Variants in ART3 observed in about 807,000 individuals in gnomAD.
The protein encoded by ART3 is ecto-ADP-ribosyltransferase 3.
Under a neutral mutation model 48.5 loss-of-function variants are expected in ART3, and 49 were observed. That is an observed-to-expected ratio of 1.01 (90% CI 0.80 to 1.28). The LOEUF (loss-of-function observed/expected upper bound fraction) is 1.28. ART3 is among the 50% of genes most tolerant of loss of function. The probability of loss-of-function intolerance (pLI) is 0.00; values close to 1 mark genes in which losing one functional copy is unlikely to be tolerated. For missense variants in ART3, 438 were observed against 454.3 expected (o/e 0.96, Z 0.33); for synonymous variants, 145 against 157.2 (o/e 0.92, Z 0.58).
intron 11 of ART3, among the ~76,000 whole-genome samples, chr4:76,111,054 A>G (rs919767684): frequency 3.9e-5 from 6 of 152,330 alleles, no homozygotes; most frequent in Non-Finnish European, 7.4e-5. Flanking sequence ...CATAAAATTA[A>G]CTATAATACA....
Position 76,035,987 on chromosome 4 carries a change from T to C in ART3, c.-10+24667T>C, listed in dbSNP as rs774042923. 3.7e-6 allele frequency: 6 copies of C among 1,613,740 alleles called. No individual in the cohort carries two copies. The highest frequency in any genetic ancestry group is 5.1e-6 in the Non-Finnish European group (6 of 1,179,850). On this transcript the variant is annotated intron_variant, in intron 1 of 9. Coordinates refer to the ART3 transcript ENST00000341029. ...GCTATAGCCATGCCCTTCACACTCA[T>C]GTTTGTTTTTTGCTGTTGCTGCTGG...
chr4:76,098,810 A>G (rs772145348), intron 4 of ART3, 145 bp from the exon 5 acceptor site: 8 of 614,876 alleles, frequency 1.3e-5, no homozygotes, highest in East Asian at 1.0e-4. Context: ...TTGAAATTTT[A>G]TATCTGTTAT....
Position 76,082,340 on chromosome 4 carries a change from G to A in ART3, c.586G>A (p.Asp196Asn). The change falls in exon 3 of 12, where the codon GAC (aspartate) becomes AAC (asparagine). Residue 196 changes from aspartate (D) to asparagine (N), a missense_variant. Asp to Asn is a conservative substitution (Grantham distance 23, BLOSUM62 1). Transcript: ENST00000355810. ...AYSAKPQAAN[D>N]QLTVLSIYTC... ...TTCAGCCAAACCTCAGGCTGCTAAT[G>A]ACCAGCTCACTGTGTTATCCATCTA... 6.2e-7 allele frequency: 1 copy of A among 1,613,714 alleles called. No individual in the cohort carries two copies. Among genetic ancestry groups the A allele is most frequent in the Non-Finnish European group, 8.5e-7 (1 of 1,179,884 alleles).
chr4:76,076,849 T>C (rs572192091), intron 2 of ART3, among the ~76,000 whole-genome samples: 2 of 152,324 alleles, frequency 1.3e-5, no homozygotes, highest in East Asian at 1.9e-4. Flanking sequence ...TGATTTTTTT[T>C]CCCCACGTTG....
chr4:76,092,590 T>C (rs185339018), intron 3 of ART3, among the ~76,000 whole-genome samples: 14 of 152,316 alleles, frequency 9.2e-5, no homozygotes, highest in Admixed American at 7.8e-4. Flanking sequence ...TTTGGACCAA[T>C]TTGATTATGA....
At chr4:76,083,008 G>A (rs1023408755) in intron 3 of ART3, among the ~76,000 whole-genome samples, 6 of 152,072 alleles carry the variant, frequency 3.9e-5, no homozygotes, top group African/African-American at 1.4e-4. Flanking sequence ...GGGAAACATA[G>A]GGAGACCACC....
chr4:76,080,099 G>A (rs1722130320), intron 2 of ART3, among the ~76,000 whole-genome samples: 1 of 152,140 alleles, frequency 6.6e-6, no homozygotes, highest in Admixed American at 6.5e-5. Context: ...TAGACTAATG[G>A]AAGAGGCATT....
chr4:76,112,434 C>T lies in ART3; in HGVS notation c.1085C>T (p.Ser362Phe). 1 of 1,614,086 alleles carries T rather than the reference C, an allele frequency of 6.2e-7. No individual in the cohort carries two copies. The highest frequency in any genetic ancestry group is 8.5e-7 in the Non-Finnish European group (1 of 1,179,992). The change falls in exon 12 of 12, where the codon TCC becomes TTC. Residue 362 changes from serine (S) to phenylalanine (F), a missense_variant. Physicochemically the swap from Ser to Phe is radical, Grantham distance 155 (BLOSUM62 -2). This residue lies in a region of ART3 where 227 missense variants were observed against 229.6 expected (regional missense o/e 0.99). Coordinates refer to ENST00000355810, the MANE Select transcript of ART3 (RefSeq NM_001130016.3). ...GGTCCCAAAAGCCATCCTTCTGCAT[C>T]CTCGGGCAAACTGCTGCTTCCACAG... ...VPGPKSHPSA[S>F]SGKLLLPQFG... is the part of the protein sequence containing the mutation.
chr4:76,013,806 CTT>C (rs1202925192), intron 1 of ART3, among the ~76,000 whole-genome samples: 1 of 152,100 alleles, frequency 6.6e-6, no homozygotes, highest in Non-Finnish European at 1.5e-5. Context: ...ATTTTATTTA[CTT>C]TTGTTCATTT....
intron 1 of ART3, among the ~76,000 whole-genome samples, chr4:76,030,661 G>T (rs77946135): frequency 0.011 from 1,735 of 152,170 alleles, 38 homozygotes; most frequent in African/African-American, 0.039. Context: ...CCAAACCCCA[G>T]TCAGCTAATT....
In ART3 at chr4:76,112,402, T is replaced by C; in HGVS notation, c.1053T>C (p.Pro351=). ...TGTTAACAGCTCCAGGTCCAGTTCCTGTTCCAGGTCCCAAAAGCCATCCTT... is the reference window on the plus strand; with the variant it reads ...TGTTAACAGCTCCAGGTCCAGTTCCCGTTCCAGGTCCCAAAAGCCATCCTT... The part of the protein sequence containing the change: ...NINNPTPGPV[P]VPGPKSHPSA... The change falls in exon 12 of 12, where the codon CCT becomes CCC. Residue 351 remains proline, a synonymous_variant. Coordinates refer to ENST00000355810, the MANE Select transcript of ART3 (RefSeq NM_001130016.3). 6.2e-7 allele frequency: 1 copy of C among 1,614,018 alleles called. No homozygotes were observed. Among genetic ancestry groups the C allele is most frequent in the Non-Finnish European group, 8.5e-7 (1 of 1,179,974 alleles).
At chr4:76,043,897 C>A in intron 1 of ART3, among the ~76,000 whole-genome samples, 1 of 151,946 alleles carries the variant, frequency 6.6e-6, no homozygotes, top group East Asian at 1.9e-4. Context: ...GGAATTTGGC[C>A]GATGACCACT....
chr4:76,084,052 G>A lies in ART3; in HGVS notation c.781+1517G>A, dbSNP rs371247469. Among the ~76,000 whole-genome samples the A allele has an allele frequency of 3.3e-5, 5 of 152,020 alleles. No homozygotes were observed. The East Asian group carries it at 7.8e-4, about 24-fold the overall frequency. ...CCCAGGGTTATTCTATGATTTTTTT[G>A]TTTGTTTCCTTAGTTTTTTTAATAT... is the stretch of plus-strand genomic sequence containing the variant. On this transcript the variant is annotated intron_variant, in intron 3 of 11. Coordinates refer to ENST00000355810, the MANE Select transcript of ART3 (RefSeq NM_001130016.3).
At chr4:76,054,027 A>AT (rs1736384434) in intron 1 of ART3, among the ~76,000 whole-genome samples, 1 of 152,236 alleles carries the variant, frequency 6.6e-6, no homozygotes, top group South Asian at 2.1e-4. Flanking sequence ...AACGTGAGAG[A>AT]TTAAGCAATG....
At chr4:76,032,993 A>G (rs1316177090) in intron 1 of ART3, among the ~76,000 whole-genome samples, 2 of 151,986 alleles carry the variant, frequency 1.3e-5, no homozygotes, top group Non-Finnish European at 2.9e-5. Context: ...TATTGTATCT[A>G]TAACCTATAT....
At chr4:76,104,361 G>T (rs192862914) in intron 9 of ART3, 2 of 985,260 alleles carry the variant, frequency 2.0e-6, no homozygotes, top group Admixed American at 6.2e-5. Context: ...AACAAAACAC[G>T]ATATTCTCCT....
intron 2 of ART3, among the ~76,000 whole-genome samples, chr4:76,078,004 G>A (rs9307071): frequency 0.38 from 57,548 of 151,612 alleles, 12,906 homozygotes; most frequent in African/African-American, 0.62. Flanking sequence ...TGCTTAGCCA[G>A]TTTCTCTCCT....
At chr4:76,074,234 G>A (rs79621530), upstream of ART3, among the ~76,000 whole-genome samples, 43 of 152,176 alleles carry the variant, frequency 2.8e-4, no homozygotes, top group Non-Finnish European at 4.6e-4. Context: ...TTAAGTATGC[G>A]TATTCATGTT....
At chr4:76,039,203 G>A (rs749538023) in intron 1 of ART3, among the ~76,000 whole-genome samples, 8 of 151,330 alleles carry the variant, frequency 5.3e-5, no homozygotes, top group Non-Finnish European at 7.4e-5. Context: ...GGGTTCAAGC[G>A]ATTTTCTTGC....
Sources: gnomAD v4.1 joint callset for allele counts (sites outside exome capture counted in the v4.1 genomes callset) on GRCh38, gnomAD v4.1.1 for gene constraint, gnomAD v4.1.1 regional missense constraint, MANE v1.5 for transcripts, NCBI Gene and HGNC (gene_info 2026-07-23, HGNC 2026-07-21) for gene names.